FAM120B: variants seen among roughly 807,000 people sequenced by gnomAD.
The protein encoded by FAM120B is family with sequence similarity 120 member B.
FAM120B carries 83 observed loss-of-function variants against 96.3 expected under a neutral mutation model. The ratio of observed to expected loss-of-function variants is 0.86; its 90% CI spans 0.72 to 1.03. The LOEUF is 1.03. Ranked by LOEUF, FAM120B falls within the 50% of genes least tolerant of loss-of-function variation. The pLI, the probability that FAM120B is intolerant of heterozygous loss-of-function variation, is 0.00. For synonymous variants in FAM120B, 407 were observed against 402.7 expected (o/e 1.01, Z -0.13); for missense variants, 1,027 against 1,121.2 (o/e 0.92, Z 1.20).
intron 1 of FAM120B, among the ~76,000 whole-genome samples, 183 bp from the exon 2 acceptor site, chr6:170,317,187 G>A (rs546634123): frequency 6.6e-6 from 1 of 152,228 alleles, no homozygotes; most frequent in African/African-American, 2.4e-5. Flanking sequence ...CTTATACTTA[G>A]GTAAAGTTCC....
At chr6:170,378,598 A>C (rs9348318) in intron 6 of FAM120B, among the ~76,000 whole-genome samples, 151 of 152,002 alleles carry the variant, frequency 9.9e-4, no homozygotes, top group Middle Eastern at 3.4e-3. Flanking sequence ...TGCAGCCTAG[A>C]GGGGGAAGAG....
intron 5 of FAM120B, among the ~76,000 whole-genome samples, 189 bp from the exon 6 acceptor site, chr6:170,358,037 C>T (rs893958048): frequency 3.3e-5 from 5 of 151,896 alleles, no homozygotes; most frequent in South Asian, 2.1e-4. Flanking sequence ...CATGCCTGTG[C>T]GTGTACCCAT....
At chr6:170,291,256 C>T (rs549144051), upstream of FAM120B, among the ~76,000 whole-genome samples, 3 of 152,016 alleles carry the variant, frequency 2.0e-5, no homozygotes, top group South Asian at 4.1e-4. Flanking sequence ...TGCCGCCGCC[C>T]CGTCCCCTCC....
At position 170,341,346 on chromosome 6, in the gene FAM120B, C is replaced by G. The variant is rs185057777; in HGVS notation, c.2018-6805C>G. On this transcript the variant is annotated intron_variant, in intron 4 of 10. Coordinates refer to ENST00000476287, the MANE Select transcript of FAM120B (RefSeq NM_032448.3). The stretch of plus-strand genomic sequence containing the variant: ...TCAGTAATGGCAGACGCCCCTCCCC[C>G]CACCAAGCTCGATCGTCCCAGGTCG... Among the ~76,000 whole-genome samples the G allele has an allele frequency of 1.2e-3, 177 of 152,324 alleles. 5 individuals carry two copies. The East Asian group carries it at 0.029, about 25-fold the overall frequency.
At chr6:170,316,517 A>G (rs904796060) in intron 1 of FAM120B, among the ~76,000 whole-genome samples, 7 of 152,226 alleles carry the variant, frequency 4.6e-5, no homozygotes, top group South Asian at 2.1e-4. Context: ...TGTCATATAC[A>G]ATATTGTGCT....
At chr6:170,386,408 T>C (rs1019012511) in intron 6 of FAM120B, among the ~76,000 whole-genome samples, 6 of 152,182 alleles carry the variant, frequency 3.9e-5, no homozygotes, top group Admixed American at 3.3e-4. Context: ...TCTGTATACA[T>C]AGATAATGCA....
chr6:170,383,392 A>G (rs1421497943), intron 6 of FAM120B, among the ~76,000 whole-genome samples: 1 of 152,218 alleles, frequency 6.6e-6, no homozygotes, highest in Non-Finnish European at 1.5e-5. Flanking sequence ...CCAGGGAGAA[A>G]ATACTTGCAA....
At chr6:170,320,893 G>A (rs138773525) in intron 2 of FAM120B, among the ~76,000 whole-genome samples, 4 of 152,348 alleles carry the variant, frequency 2.6e-5, no homozygotes, top group Admixed American at 2.0e-4. Flanking sequence ...ACGGTCAGGA[G>A]TATCACATGC....
chr6:170,368,819 CTG>C (rs775154568), intron 6 of FAM120B, among the ~76,000 whole-genome samples: 1,560 of 26,192 alleles, frequency 0.06, 80 homozygotes, highest in East Asian at 0.3. Flanking sequence ...TCTGCCGGGG[CTG>C]GGGGGGGGGC....
rs1387706714 is a variant in FAM120B, at chr6:170,376,857, AGAG to A, written c.2284-11424_2284-11422del. Among the ~76,000 whole-genome samples, 7 of 152,220 alleles carry A rather than the reference AGAG, an allele frequency of 4.6e-5. No individual in the cohort carries two copies. The East Asian group carries it at 1.2e-3, about 25-fold the overall frequency. On this transcript the variant is annotated intron_variant, in intron 6 of 10. Transcript: ENST00000476287. ...AGGGGTTTCGGTAACCCCCTAGAGA[AGAG>A]GAGGAAGTGCCTGTTTCCGTGTAGA...
chr6:170,377,335 G>A (rs1222091094), intron 6 of FAM120B, among the ~76,000 whole-genome samples: 2 of 139,444 alleles, frequency 1.4e-5, no homozygotes, highest in African/African-American at 5.5e-5. Flanking sequence ...ACGCTGCTCG[G>A]TGCTGTGCAC....
intron 1 of FAM120B, among the ~76,000 whole-genome samples, chr6:170,298,878 C>T (rs139226277): frequency 2.0e-5 from 3 of 152,284 alleles, no homozygotes; most frequent in Admixed American, 2.0e-4. Flanking sequence ...AGGAGCCAAC[C>T]ACTCTCCAGG....
Position 170,317,924 on chromosome 6 carries a change from A to G in FAM120B, c.534A>G (p.Glu178=), listed in dbSNP as rs772178566. 3.1e-6 allele frequency: 5 copies of G among 1,614,190 alleles called. No individual in the cohort carries two copies. Among genetic ancestry groups the G allele is most frequent in the Non-Finnish European group, 3.4e-6 (4 of 1,180,022 alleles). ...LQHNCLGILG[E]DTDYLIYDTC... is the part of the protein sequence containing the mutation. Reference sequence around the variant, plus strand: ...ATAACTGTCTTGGGATTCTGGGGGAAGACACTGATTACCTAATCTATGACA... The same window carrying G: ...ATAACTGTCTTGGGATTCTGGGGGAGGACACTGATTACCTAATCTATGACA... The change falls in exon 2 of 11, where the codon GAA becomes GAG. Residue 178 remains glutamate (E), a synonymous_variant. Transcript: ENST00000476287.
intron 2 of FAM120B, among the ~76,000 whole-genome samples, chr6:170,319,393 G>A (rs1382129374): frequency 1.3e-5 from 2 of 152,166 alleles, no homozygotes; most frequent in Admixed American, 6.5e-5. Context: ...AAGGCCGGGC[G>A]TGGTGGCTCA....
rs573158723 is a variant in FAM120B, at chr6:170,390,115, G to A, written c.2491-898G>A. 7.2e-5 allele frequency among the ~76,000 whole-genome samples: 11 copies of A among 152,266 alleles called. No homozygotes were observed. In the South Asian group the frequency reaches 1.7e-3, roughly 23 times the overall value. On this transcript the variant is annotated intron_variant, in intron 7 of 10. Coordinates refer to ENST00000476287, the MANE Select transcript of FAM120B (RefSeq NM_032448.3). Reference sequence around the variant, plus strand: ...TAATACCCGCAGGGATGAGAAAAGCGGTGTGATCCGTGAGAGAGCATACCG... The same window carrying A: ...TAATACCCGCAGGGATGAGAAAAGCAGTGTGATCCGTGAGAGAGCATACCG...
At position 170,405,167 on chromosome 6, in the gene FAM120B, A is replaced by G. The variant is rs4710809; in HGVS notation, c.*416A>G. 104,264 of 153,228 alleles carry G rather than the reference A, an allele frequency of 0.68. 35,594 individuals are homozygous for G. The highest frequency in any genetic ancestry group is 0.73 in the Admixed American group (11,292 of 15,376). The allele number at this position is 153,228 out of a possible 1,614,324, so 9.5% of individuals were successfully genotyped here. A position where few individuals can be genotyped will look rare whatever the true frequency, so the allele number is the denominator to read the frequency against. ...AAACACTATACAGTAGTCCTCCCTT[A>G]TCTGCGGGGGAGACATCCCAAGACC... On this transcript the variant is annotated 3_prime_UTR_variant, in exon 11 of 11. Transcript: ENST00000476287.
upstream of FAM120B, among the ~76,000 whole-genome samples, chr6:170,303,346 C>T (rs772797547): frequency 1.3e-5 from 2 of 152,070 alleles, no homozygotes; most frequent in Non-Finnish European, 2.9e-5. Context: ...CTCATATGAT[C>T]CTCCCACCTC....
chr6:170,334,914 A>T (rs16901335), intron 4 of FAM120B, among the ~76,000 whole-genome samples: 18,067 of 152,060 alleles, frequency 0.12, 1,323 homozygotes, highest in African/African-American at 0.2. Flanking sequence ...TGATGTATTG[A>T]GATGTAAATG....
chr6:170,368,921 T>C (rs1788991510), intron 6 of FAM120B, among the ~76,000 whole-genome samples: 1 of 150,278 alleles, frequency 6.7e-6, no homozygotes, highest in Non-Finnish European at 1.5e-5. Context: ...TCACCTGCTT[T>C]GGTAGGGTGC....
Sources: allele counts gnomAD v4.1 joint callset (sites outside exome capture counted in the v4.1 genomes callset), GRCh38; gene constraint gnomAD v4.1.1; transcripts MANE v1.5; gene names NCBI Gene and HGNC (gene_info 2026-07-23, HGNC 2026-07-21).